The following STX12 variants were observed in gnomAD, a reference collection of about 807,000 sequenced individuals.
The protein encoded by STX12 is syntaxin 12, also known as syntaxin-12.
STX12 carries 17 observed loss-of-function variants against 42.2 expected under a neutral mutation model. The ratio of observed to expected loss-of-function variants is 0.40; its 90% CI spans 0.28 to 0.60. STX12 has a LOEUF of 0.60. STX12 is among the 20% of genes least tolerant of loss of function. The pLI is 0.39. For synonymous variants in STX12, 108 were observed against 116.7 expected (o/e 0.93, Z 0.48); for missense variants, 297 against 330.9 (o/e 0.90, Z 0.79).
intron 1 of STX12, among the ~76,000 whole-genome samples, chr1:27,779,489 C>T (rs976056010): frequency 2.6e-5 from 4 of 151,568 alleles, no homozygotes; most frequent in South Asian, 2.1e-4. Context: ...CCTGCCACCA[C>T]GCCCAGCTAA....
chr1:27,816,842 G>A (rs952594755), intron 6 of STX12, among the ~76,000 whole-genome samples: 14 of 151,806 alleles, frequency 9.2e-5, no homozygotes, highest in Non-Finnish European at 1.3e-4. Flanking sequence ...CTTGAATCCG[G>A]GAGGTGGAGG....
intron 4 of STX12, among the ~76,000 whole-genome samples, chr1:27,805,136 A>G (rs572288278): frequency 6.6e-6 from 1 of 152,296 alleles, no homozygotes; most frequent in Admixed American, 6.5e-5. Context: ...CGTGGGGATT[A>G]TTACAATTCA....
At chr1:27,821,982 C>T (rs2088987648) in intron 8 of STX12, among the ~76,000 whole-genome samples, 1 of 151,988 alleles carries the variant, frequency 6.6e-6, no homozygotes, top group Admixed American at 6.6e-5. Flanking sequence ...CGCACCACGG[C>T]ACTCCAGCCT....
chr1:27,798,993 G>A (rs143108779), intron 3 of STX12, among the ~76,000 whole-genome samples: 48 of 151,846 alleles, frequency 3.2e-4, no homozygotes, highest in African/African-American at 1.0e-3. Flanking sequence ...GAAGAGTATG[G>A]TAACATGGAA....
chr1:27,798,817 C>T (rs916909861), intron 3 of STX12, among the ~76,000 whole-genome samples: 2 of 144,898 alleles, frequency 1.4e-5, no homozygotes, highest in Non-Finnish European at 3.0e-5. Context: ...AGCCAGGCAT[C>T]GTGGTACACA....
chr1:27,787,590 C>T (rs1321790464), intron 1 of STX12, among the ~76,000 whole-genome samples: 2 of 151,536 alleles, frequency 1.3e-5, no homozygotes, highest in Non-Finnish European at 2.9e-5. Flanking sequence ...GCCTGGGAGT[C>T]GGAGGTTGCA....
intron 7 of STX12, among the ~76,000 whole-genome samples, chr1:27,818,874 C>T (rs1043685585): frequency 3.9e-5 from 6 of 152,096 alleles, no homozygotes; most frequent in Admixed American, 1.3e-4. Context: ...GTGATCTGCC[C>T]GCCTTGGCCT....
intron 1 of STX12, among the ~76,000 whole-genome samples, chr1:27,781,605 T>C (rs2088668651): frequency 2.0e-5 from 3 of 152,182 alleles, no homozygotes; most frequent in African/African-American, 7.2e-5. Context: ...TTAAGAAATG[T>C]TAGCTCTCAT....
intron 3 of STX12, among the ~76,000 whole-genome samples, chr1:27,793,915 T>G (rs1193571294): frequency 6.6e-6 from 1 of 152,016 alleles, no homozygotes; most frequent in Non-Finnish European, 1.5e-5. Context: ...TGGAGTTAAC[T>G]GAAGAGAAAT....
At chr1:27,807,778 C>T (rs2088873425) in intron 4 of STX12, among the ~76,000 whole-genome samples, 1 of 152,190 alleles carries the variant, frequency 6.6e-6, no homozygotes, top group Non-Finnish European at 1.5e-5. Context: ...AAATTGGAAA[C>T]ATCCAGATGT....
At chr1:27,788,178 T>C (rs1349736300) in intron 1 of STX12, among the ~76,000 whole-genome samples, 3 of 152,214 alleles carry the variant, frequency 2.0e-5, no homozygotes, top group Non-Finnish European at 4.4e-5. Flanking sequence ...TGTTCTGTAC[T>C]CCAGCTACTT....
chr1:27,784,426 C>T (rs1343208926), intron 1 of STX12, among the ~76,000 whole-genome samples: 1 of 152,064 alleles, frequency 6.6e-6, no homozygotes, highest in Non-Finnish European at 1.5e-5. Flanking sequence ...CACTATGTTG[C>T]CCAGGCTGGT....
chr1:27,815,223 G>A (rs1055244871), intron 6 of STX12, among the ~76,000 whole-genome samples: 1 of 152,174 alleles, frequency 6.6e-6, no homozygotes, highest in Non-Finnish European at 1.5e-5. Flanking sequence ...ACCAAGGGAC[G>A]AATGTACCGT....
intron 6 of STX12, among the ~76,000 whole-genome samples, chr1:27,814,824 C>T (rs1484840334): frequency 5.6e-5 from 8 of 142,182 alleles, no homozygotes; most frequent in African/African-American, 1.6e-4. Context: ...GGCAACAGAG[C>T]GAGACTCTGT....
In STX12 at chr1:27,823,502, C is replaced by T. The variant is rs546663102; in HGVS notation, c.*1173C>T. The T allele has an allele frequency of 6.5e-6, 1 of 152,764 alleles. No individual in the cohort carries two copies. The highest frequency in any genetic ancestry group is 1.9e-4 in the East Asian group (1 of 5,188). The allele number at this position is 152,764 out of a possible 1,614,324, so 9.5% of individuals were successfully genotyped here. ...AAATGTTGTCCACTTCCCTTTTCCA[C>T]AGGCCTAGAACAGTTAAAGGGAACA... On this transcript the variant is annotated 3_prime_UTR_variant, in exon 9 of 9. Transcript: ENST00000373943.
intron 5 of STX12, chr1:27,811,935 T>C: frequency 1.6e-6 from 1 of 612,318 alleles, no homozygotes; most frequent in Non-Finnish European, 3.1e-6. Flanking sequence ...GTCATAATTC[T>C]GCCACATGTC....
At chr1:27,819,553 G>A in intron 7 of STX12, 97 bp from the exon 8 acceptor site, 2 of 966,992 alleles carry the variant, frequency 2.1e-6, no homozygotes, top group South Asian at 3.0e-5. Context: ...TTGGATAGTG[G>A]TAGTGAAACC....
intron 3 of STX12, among the ~76,000 whole-genome samples, chr1:27,796,980 C>T (rs2088790282): frequency 6.6e-6 from 1 of 152,090 alleles, no homozygotes; most frequent in Non-Finnish European, 1.5e-5. Context: ...GCTGGGATTA[C>T]AGGCATGAGC....
At chr1:27,807,747 A>G (rs761215872) in intron 4 of STX12, among the ~76,000 whole-genome samples, 1 of 152,254 alleles carries the variant, frequency 6.6e-6, no homozygotes, top group African/African-American at 2.4e-5. Context: ...TGTGCATAGC[A>G]GCATTGTTTG....
Sources: gnomAD v4.1 joint callset for allele counts (sites outside exome capture counted in the v4.1 genomes callset) on GRCh38, gnomAD v4.1.1 for gene constraint, MANE v1.5 for transcripts, NCBI Gene and HGNC (gene_info 2026-07-23, HGNC 2026-07-21) for gene names.